The following SDK2 variants were observed in gnomAD, a reference collection of about 807,000 sequenced individuals.
SDK2 encodes protein sidekick-2.
In SDK2, 105 loss-of-function variants were observed where a neutral mutation model predicts 253.9. The observed-to-expected ratio is 0.41, with a 90% CI of 0.35 to 0.49. The LOEUF (loss-of-function observed/expected upper bound fraction) is 0.49. Among genes scored for constraint, SDK2 ranks in the 20% least tolerant of loss-of-function variants. The probability of loss-of-function intolerance (pLI) is 0.06; values close to 1 mark genes in which losing one functional copy is unlikely to be tolerated. For synonymous variants in SDK2, 1,249 were observed against 1,234.9 expected, an observed-to-expected ratio of 1.01 and a Z score of -0.24; for missense variants, 2,608 against 3,003.0, an observed-to-expected ratio of 0.87 and a Z score of 3.07.
intron 40 of SDK2, among the ~76,000 whole-genome samples, chr17:73,354,700 G>A (rs763369614): frequency 1.3e-5 from 2 of 152,116 alleles, no homozygotes; most frequent in East Asian, 1.9e-4. Context: ...CTTCCAGGCC[G>A]CTGCCACCAG....
intron 18 of SDK2, among the ~76,000 whole-genome samples, chr17:73,412,779 A>G (rs925857557): frequency 1.3e-5 from 2 of 152,250 alleles, no homozygotes; most frequent in East Asian, 1.9e-4. Context: ...TTAGCCAGAC[A>G]TGGTGGCACA....
intron 6 of SDK2, among the ~76,000 whole-genome samples, chr17:73,439,818 G>A (rs979041606): frequency 6.6e-6 from 1 of 152,200 alleles, no homozygotes; most frequent in Non-Finnish European, 1.5e-5. Context: ...GGGAGAGGGG[G>A]CAGTGCATTT....
At chr17:73,368,209 T>C (rs1168387820) in intron 37 of SDK2, among the ~76,000 whole-genome samples, 198 bp downstream of exon 37, 2 of 152,076 alleles carry the variant, frequency 1.3e-5, no homozygotes, top group Non-Finnish European at 2.9e-5. Flanking sequence ...CAAGGCTTTA[T>C]GGGGACAGCT....
chr17:73,436,176 T>C (rs1262119799), intron 8 of SDK2, among the ~76,000 whole-genome samples: 2 of 152,154 alleles, frequency 1.3e-5, no homozygotes. Context: ...GAGGGTCCAG[T>C]GTTCCCTGGG....
intron 1 of SDK2, among the ~76,000 whole-genome samples, chr17:73,623,059 G>C (rs777525768): frequency 6.6e-6 from 1 of 152,198 alleles, no homozygotes; most frequent in African/African-American, 2.4e-5. Context: ...GTATCTTTAT[G>C]TCCCCAGTTC....
intron 18 of SDK2, among the ~76,000 whole-genome samples, chr17:73,410,288 G>A (rs760556185): frequency 1.5e-5 from 2 of 132,230 alleles, no homozygotes; most frequent in Non-Finnish European, 3.2e-5. Flanking sequence ...GTAAAATGGT[G>A]TGATGGTAAT....
chr17:73,629,445 ACTTG>A lies in SDK2; in HGVS notation c.64+14576_64+14579del, dbSNP rs751159390. 9.9e-5 allele frequency among the ~76,000 whole-genome samples: 15 copies of A among 152,212 alleles called. No individual in the cohort carries two copies. Among genetic ancestry groups the A allele is most frequent in the Non-Finnish European group, 1.8e-4 (12 of 68,028 alleles). Reference sequence around the variant, plus strand: ...GTGTAAGCACCTGAGGGCAGAAGCCACTTGGGGTGTGGCCAGGTACACTTTGGCC... The same window carrying A: ...GTGTAAGCACCTGAGGGCAGAAGCCAGGGTGTGGCCAGGTACACTTTGGCC... On this transcript the variant is annotated intron_variant, in intron 1 of 44. Transcript: ENST00000392650. This position sits in a 1 kb window ranked among gnomAD's most constrained non-coding sequence, Gnocchi z 5.0.
rs959911619 is a variant in SDK2, at chr17:73,623,664, C to T, written c.64+20361G>A. On this transcript the variant is annotated intron_variant, in intron 1 of 44. Coordinates refer to ENST00000392650, the MANE Select transcript of SDK2 (RefSeq NM_001144952.2). ...GTTGCCTAGCTGCCCCCTGATCTCA[C>T]CTGACACTGGGACTCTGATCCCCTT... Among the ~76,000 whole-genome samples, 4 of 152,238 alleles carry T rather than the reference C, an allele frequency of 2.6e-5. No individual in the cohort carries two copies. The South Asian group carries it at 6.2e-4, about 24-fold the overall frequency.
rs1221648386 is a variant in SDK2 at position 73,361,543 on chromosome 17, A to C, written c.5467+141T>G. On this transcript the variant is annotated intron_variant, in intron 39 of 44. Transcript: ENST00000392650. The surrounding 1 kb of genome is among the most constrained non-coding windows in gnomAD (Gnocchi z 4.1). ...GGAGGAGGGAGCGGGGGGAGGGGTC[A>C]CTGGGCACCAGGGGAAAGAGTGAGC... The C allele has an allele frequency of 1.3e-6, 1 of 772,094 alleles. No individual in the cohort carries two copies. The highest frequency in any genetic ancestry group is 2.7e-5 in the East Asian group (1 of 36,958). The allele number at this position is 772,094 out of a possible 1,614,324, so 47.8% of individuals were successfully genotyped here. A position where few individuals can be genotyped will look rare whatever the true frequency, so the allele number is the denominator to read the frequency against.
intron 2 of SDK2, among the ~76,000 whole-genome samples, chr17:73,502,388 T>C (rs1011969628): frequency 1.1e-4 from 17 of 152,086 alleles, no homozygotes; most frequent in African/African-American, 4.1e-4. Context: ...CAGTCTCCTA[T>C]GGAATGCACT....
chr17:73,342,485 T>TG (rs1413560160), intron 44 of SDK2, among the ~76,000 whole-genome samples: 3 of 152,188 alleles, frequency 2.0e-5, no homozygotes, highest in Non-Finnish European at 4.4e-5. Flanking sequence ...GGCAGGAGGC[T>TG]GGGGGTCCAT....
At chr17:73,627,423 C>G (rs781576486) in intron 1 of SDK2, among the ~76,000 whole-genome samples, 47 of 152,170 alleles carry the variant, frequency 3.1e-4, no homozygotes, top group Non-Finnish European at 5.7e-4. Context: ...TTCAGCGACG[C>G]CTCCTTCCAT....
rs1555750469 is a variant in SDK2, at chr17:73,355,159, C to CATATATATAT, written c.5594-2532_5594-2523dup. The stretch of plus-strand genomic sequence containing the variant: ...TTTGAGCCTCTGCCTCCTACACCTC[C>CATATATATAT]ATATATATATATATATTTTTTTTTT... On this transcript the variant is annotated intron_variant, in intron 40 of 44. Transcript: ENST00000392650. Among the ~76,000 whole-genome samples, 21 of 48,594 alleles carry CATATATATAT rather than the reference C, an allele frequency of 4.3e-4. 2 individuals are homozygous for CATATATATAT. Among genetic ancestry groups the CATATATATAT allele is most frequent in the East Asian group, 4.1e-3 (3 of 726 alleles). 31.9% of individuals were successfully genotyped at this position (48,594 alleles called of 152,430 possible).
At position 73,340,837 on chromosome 17, in the gene SDK2, G is replaced by A. The variant is rs144599416; in HGVS notation, c.6166-1897C>T. ...TGGCTCACCTCAACCTCTGCCTCCC[G>A]GGTTCAAGTGATTCTCCTGCCTCAG... On this transcript the variant is annotated intron_variant, in intron 44 of 44. Coordinates refer to ENST00000392650, the MANE Select transcript of SDK2 (RefSeq NM_001144952.2). Among the ~76,000 whole-genome samples, 932 of 126,074 alleles carry A rather than the reference G, an allele frequency of 7.4e-3. 56 individuals carry two copies. The East Asian group carries it at 0.16, about 22-fold the overall frequency. 82.7% of individuals were successfully genotyped at this position (126,074 alleles called of 152,430 possible). A position where few individuals can be genotyped will look rare whatever the true frequency, so the allele number is the denominator to read the frequency against.
At position 73,417,670 on chromosome 17, in the gene SDK2, T is replaced by A. The variant is rs572736914; in HGVS notation, c.2186+1496A>T. Among the ~76,000 whole-genome samples the A allele has an allele frequency of 2.6e-5, 4 of 152,170 alleles. No homozygotes were observed. In the South Asian group the frequency reaches 8.3e-4, roughly 32 times the overall value. On this transcript the variant is annotated intron_variant, in intron 16 of 44. Coordinates refer to ENST00000392650, the MANE Select transcript of SDK2 (RefSeq NM_001144952.2). Reference sequence around the variant, plus strand: ...GGAGGGGTCATGGACTGGAGAGCTGTCCCTGAAGCCTGGGCTCATTTTCTT... The same window carrying A: ...GGAGGGGTCATGGACTGGAGAGCTGACCCTGAAGCCTGGGCTCATTTTCTT...
rs1169338956 is a variant in SDK2, at chr17:73,365,245, G to A, written c.5305+13C>T. ...GTGGGGGGCTGGGGAGCTGTGCTGG[G>A]GGGTCCACTCACCATCCACGGGGCT... On this transcript the variant is annotated intron_variant, in intron 38 of 44. Coordinates refer to ENST00000392650, the MANE Select transcript of SDK2 (RefSeq NM_001144952.2). The A allele has an allele frequency of 6.3e-7, 1 of 1,588,570 alleles. No individual in the cohort carries two copies.
chr17:73,376,692 C>T (rs954142093), intron 36 of SDK2, among the ~76,000 whole-genome samples: 2 of 152,054 alleles, frequency 1.3e-5, no homozygotes, highest in East Asian at 1.9e-4. Context: ...TTACAAGCCT[C>T]GACAGTCTGG....
intron 36 of SDK2, among the ~76,000 whole-genome samples, chr17:73,369,943 C>A (rs190620823): frequency 1.7e-4 from 26 of 152,310 alleles, no homozygotes; most frequent in Non-Finnish European, 3.2e-4. Context: ...CAAGCCCAGC[C>A]ATTGTTTTCA....
intron 18 of SDK2, among the ~76,000 whole-genome samples, chr17:73,410,083 G>A (rs536365614): frequency 2.0e-5 from 3 of 152,218 alleles, no homozygotes; most frequent in South Asian, 4.1e-4. Context: ...CAAACTCCTG[G>A]GCTCAAGAGA....
Sources: allele counts gnomAD v4.1 joint callset (sites outside exome capture counted in the v4.1 genomes callset), GRCh38; gene constraint gnomAD v4.1.1; non-coding constraint Gnocchi (gnomAD v3.1); transcripts MANE v1.5; gene names NCBI Gene and HGNC (gene_info 2026-07-23, HGNC 2026-07-21).